The following RXFP2 variants were observed in gnomAD, a reference collection of about 807,000 sequenced individuals.
RXFP2 encodes relaxin receptor 2.
In RXFP2, 68 loss-of-function variants were observed where a neutral mutation model predicts 88.6. The observed-to-expected ratio is 0.77, with a 90% CI of 0.63 to 0.94. The LOEUF (loss-of-function observed/expected upper bound fraction) is 0.94, where lower values mean the gene tolerates loss of function less well. Ranked by LOEUF, RXFP2 falls within the 40% of genes least tolerant of loss-of-function variation. RXFP2 has a pLI of 0.00. For synonymous variants in RXFP2, 329 were observed against 306.8 expected (o/e 1.07, Z -0.76); for missense variants, 791 against 893.9 (o/e 0.88, Z 1.47).
intron 13 of RXFP2, 98 bp from the exon 14 acceptor site, chr13:31,789,024 A>G: frequency 3.7e-6 from 3 of 804,050 alleles, no homozygotes; most frequent in Non-Finnish European, 6.5e-6. Flanking sequence ...CATTGGTAAC[A>G]TAAGATCTTG....
chr13:31,791,401 T>C (rs1038402525), intron 14 of RXFP2, among the ~76,000 whole-genome samples: 5 of 152,178 alleles, frequency 3.3e-5, no homozygotes, highest in African/African-American at 9.7e-5. Context: ...AGAAATGTTC[T>C]AGGTGAGCGA....
In RXFP2 at chr13:31,764,243, T is replaced by TCTCACA. The variant is rs1262150474; in HGVS notation, c.320-793_320-792insTCACAC. On this transcript the variant is annotated intron_variant, in intron 3 of 17. Transcript: ENST00000298386. ...CTGCCCTCGTCTGTCTCTCTCTCTT[T>TCTCACA]CACACACACACACACACACACACAC... 2.0e-3 allele frequency among the ~76,000 whole-genome samples: 265 copies of TCTCACA among 131,766 alleles called. 3 individuals carry two copies. The highest frequency in any genetic ancestry group is 7.0e-3 in the African/African-American group (247 of 35,116). The allele number at this position is 131,766 out of a possible 152,430, so 86.4% of individuals were successfully genotyped here.
At chr13:31,789,351 G>C (rs1025126909) in intron 14 of RXFP2, among the ~76,000 whole-genome samples, 158 bp downstream of exon 14, 8 of 152,150 alleles carry the variant, frequency 5.3e-5, no homozygotes, top group Non-Finnish European at 1.2e-4. Context: ...TGTTCAAATA[G>C]AGTTCAATAT....
intron 1 of RXFP2, among the ~76,000 whole-genome samples, chr13:31,745,479 C>A (rs1871371141): frequency 6.6e-6 from 1 of 152,178 alleles, no homozygotes; most frequent in African/African-American, 2.4e-5. Context: ...ATTCCATACC[C>A]CATGCTTTGT....
intron 1 of RXFP2, among the ~76,000 whole-genome samples, chr13:31,746,117 T>C (rs536665835): frequency 2.6e-5 from 4 of 152,306 alleles, no homozygotes; most frequent in East Asian, 1.9e-4. Context: ...GTCAGAGACA[T>C]AGATTCCAGA....
In RXFP2 at chr13:31,792,854, T is replaced by C. The variant is rs867197413; in HGVS notation, c.1552T>C (p.Leu518=). 1 of 1,614,188 alleles carries C rather than the reference T, an allele frequency of 6.2e-7. No homozygotes were observed. The highest frequency in any genetic ancestry group is 1.6e-4 in the Middle Eastern group (1 of 6,062). The part of the protein sequence containing the change: ...VSVLLLTYLT[L]EKFLVIVFPF... ...TGTTCTGCTACTGACCTACTTGACTTTGGAGAAGTTCCTGGTCATTGTCTT... is the reference window on the plus strand; with the variant it reads ...TGTTCTGCTACTGACCTACTTGACTCTGGAGAAGTTCCTGGTCATTGTCTT... The change falls in exon 16 of 18, where the codon TTG becomes CTG. Residue 518 remains leucine, a synonymous_variant. Coordinates refer to ENST00000298386, the MANE Select transcript of RXFP2 (RefSeq NM_130806.5).
intron 16 of RXFP2, among the ~76,000 whole-genome samples, chr13:31,796,973 T>C (rs767077921): frequency 2.0e-5 from 3 of 152,228 alleles, no homozygotes; most frequent in Non-Finnish European, 4.4e-5. Flanking sequence ...ACAAAATTAC[T>C]TTCAGACTAT....
intron 11 of RXFP2, among the ~76,000 whole-genome samples, chr13:31,784,097 G>A (rs1873414810): frequency 6.6e-6 from 1 of 151,404 alleles, no homozygotes; most frequent in South Asian, 2.1e-4. Flanking sequence ...AAAATGCTGG[G>A]ATTACAAGTG....
chr13:31,778,477 A>G lies in RXFP2; in HGVS notation c.714-35A>G. ...AAGACTGTCCTAAAAGTGTCATATC[A>G]TTTTATTTCTAATTAACATTTTCTT... On this transcript the variant is annotated intron_variant, in intron 8 of 17. Coordinates refer to ENST00000298386, the MANE Select transcript of RXFP2 (RefSeq NM_130806.5). 2.9e-6 allele frequency: 4 copies of G among 1,401,920 alleles called. No homozygotes were observed. The South Asian group carries it at 4.6e-5, about 16-fold the overall frequency. 86.8% of individuals were successfully genotyped at this position (1,401,920 alleles called of 1,614,324 possible).
intron 9 of RXFP2, among the ~76,000 whole-genome samples, chr13:31,779,434 ATGATTTCC>A (rs1253877695): frequency 6.6e-6 from 1 of 152,154 alleles, no homozygotes; most frequent in African/African-American, 2.4e-5. Flanking sequence ...AACCTATAGT[ATGATTTCC>A]TACCCCAGCA....
In RXFP2 at chr13:31,797,340, T is replaced by TA; in HGVS notation, c.1927dup (p.Ile643AsnfsTer5). 6.2e-7 allele frequency: 1 copy of TA among 1,614,160 alleles called. No homozygotes were observed. ...TGGCTGTTGCAAATCGTTTCTTTTT[T>TA]ATAGTGTTCTCTGATGCCATCTGCT... On this transcript the variant is annotated frameshift_variant, in exon 17 of 18. Transcript: ENST00000298386. LOFTEE classifies it high-confidence loss of function.
rs571285834 is a variant in RXFP2 at position 31,765,487 on chromosome 13, C to T, written c.425+345C>T. ...CTCACTTATTCTACGTTTTTTTTAA[C>T]GTTGGTAATCTATCCAAGACTGCAA... is the stretch of plus-strand genomic sequence containing the variant. On this transcript the variant is annotated intron_variant, in intron 4 of 17. Coordinates refer to ENST00000298386, the MANE Select transcript of RXFP2 (RefSeq NM_130806.5). 1.1e-4 allele frequency among the ~76,000 whole-genome samples: 17 copies of T among 150,702 alleles called. 1 individual carries two copies. The South Asian group carries it at 2.1e-3, about 19-fold the overall frequency.
Position 31,776,110 on chromosome 13 carries a change from C to CTT in RXFP2, c.641+723_641+724dup, listed in dbSNP as rs1453644330. ...CTTCTTTCTTTCTTTTCTTTTCTTTCTTTCTTTCTTTCTTTCTTTCTTTCT... is the reference window on the plus strand; with the variant it reads ...CTTCTTTCTTTCTTTTCTTTTCTTTCTTTTTCTTTCTTTCTTTCTTTCTTTCT... On this transcript the variant is annotated intron_variant, in intron 7 of 17. Transcript: ENST00000298386. 1.9e-3 allele frequency among the ~76,000 whole-genome samples: 268 copies of CTT among 138,372 alleles called. 2 individuals carry two copies. Among genetic ancestry groups the CTT allele is most frequent in the African/African-American group, 7.2e-3 (262 of 36,206 alleles). 90.8% of individuals were successfully genotyped at this position (138,372 alleles called of 152,430 possible).
chr13:31,777,363 T>A lies in RXFP2; in HGVS notation c.642-13T>A, dbSNP rs778648262. 1.3e-6 allele frequency: 2 copies of A among 1,584,450 alleles called. No homozygotes were observed. The highest frequency in any genetic ancestry group is 1.7e-6 in the Non-Finnish European group (2 of 1,153,968). ...CTCTAATATTGGAAATGTTTCTTGA[T>A]ACATTTTGTCAGAATTCTAGATGAC... On this transcript the variant is annotated splice_polypyrimidine_tract_variant and intron_variant, in intron 7 of 17. Transcript: ENST00000298386.
In RXFP2 at chr13:31,782,729, T is replaced by TA; in HGVS notation, c.917dup (p.Asn306LysfsTer9). On this transcript the variant is annotated frameshift_variant, in exon 11 of 18. Transcript: ENST00000298386. LOFTEE classifies it high-confidence loss of function. ...GTTCCAGAGAAGACATTTTCTTCAT[T>TA]AAAAAATTTAGGAGAACTGTAAGTA... 6.2e-7 allele frequency: 1 copy of TA among 1,602,380 alleles called. No individual in the cohort carries two copies. The highest frequency in any genetic ancestry group is 8.6e-7 in the Non-Finnish European group (1 of 1,169,326).
chr13:31,774,487 C>A, intron 5 of RXFP2, 133 bp from the exon 6 acceptor site: 1 of 693,210 alleles, frequency 1.4e-6, no homozygotes, highest in Non-Finnish European at 2.7e-6. Flanking sequence ...ACAACATCTC[C>A]CCAACATGAG....
chr13:31,743,840 T>A (rs1474391270), intron 1 of RXFP2, among the ~76,000 whole-genome samples: 1 of 151,994 alleles, frequency 6.6e-6, no homozygotes, highest in Non-Finnish European at 1.5e-5. Context: ...GCTCTCTGAG[T>A]TCCCATATCC....
At chr13:31,744,582 G>A (rs1871334244) in intron 1 of RXFP2, among the ~76,000 whole-genome samples, 2 of 152,090 alleles carry the variant, frequency 1.3e-5, no homozygotes, top group Non-Finnish European at 2.9e-5. Flanking sequence ...ATTCTCGAGT[G>A]GCATAATGGC....
intron 1 of RXFP2, among the ~76,000 whole-genome samples, chr13:31,757,920 C>A (rs1380798970): frequency 6.6e-6 from 1 of 151,932 alleles, no homozygotes; most frequent in Non-Finnish European, 1.5e-5. Context: ...GGTGAAACCC[C>A]GTCTCTACTA....
Sources: gnomAD v4.1 joint callset for allele counts (sites outside exome capture counted in the v4.1 genomes callset) on GRCh38, gnomAD v4.1.1 for gene constraint, MANE v1.5 for transcripts, NCBI Gene and HGNC (gene_info 2026-07-23, HGNC 2026-07-21) for gene names.